BMPER: variants seen among roughly 807,000 people sequenced by gnomAD.
BMPER encodes the protein BMP binding endothelial regulator, also known as BMP-binding endothelial regulator protein.
BMPER carries 45 observed loss-of-function variants against 87.3 expected under a neutral mutation model. The observed-to-expected ratio is 0.52, with a 90% CI of 0.41 to 0.66. The LOEUF is 0.66. Ranked by LOEUF, BMPER falls within the 30% of genes least tolerant of loss-of-function variation. The pLI, the probability that BMPER is intolerant of heterozygous loss-of-function variation, is 0.00. For synonymous variants in BMPER, 326 were observed against 316.2 expected (o/e 1.03, Z -0.33); for missense variants, 784 against 867.5 (o/e 0.90, Z 1.21).
chr7:34,097,378 C>A (rs1789556481), intron 13 of BMPER, among the ~76,000 whole-genome samples: 1 of 152,204 alleles, frequency 6.6e-6, no homozygotes, highest in South Asian at 2.1e-4. Context: ...ATTACAGTTT[C>A]ATGCACCAGC....
intron 6 of BMPER, among the ~76,000 whole-genome samples, chr7:34,013,716 G>A (rs1362866068): frequency 6.6e-6 from 1 of 151,824 alleles, no homozygotes; most frequent in African/African-American, 2.4e-5. Flanking sequence ...CTAATGCCTG[G>A]TTGTACCTAT....
At chr7:34,046,230 G>T (rs1006643040) in intron 6 of BMPER, 76 bp from the exon 7 acceptor site, 1 of 1,401,360 alleles carries the variant, frequency 7.1e-7, no homozygotes. Flanking sequence ...CCTTAGGTTT[G>T]TTCTAGATAT....
At chr7:33,992,906 G>T (rs1426747748) in intron 6 of BMPER, among the ~76,000 whole-genome samples, 8 of 138,456 alleles carry the variant, frequency 5.8e-5, no homozygotes, top group African/African-American at 1.6e-4. Flanking sequence ...TGAAATTCTG[G>T]GTTGAAAATT....
intron 13 of BMPER, among the ~76,000 whole-genome samples, chr7:34,113,308 A>G (rs1583452063): frequency 1.3e-5 from 2 of 151,996 alleles, no homozygotes; most frequent in South Asian, 4.1e-4. Flanking sequence ...TGATTATAGT[A>G]GTTATTATCA....
At chr7:33,956,590 G>A (rs1562652113) in intron 3 of BMPER, among the ~76,000 whole-genome samples, 1 of 151,680 alleles carries the variant, frequency 6.6e-6, no homozygotes. Flanking sequence ...CCTCCACTTT[G>A]TCCACCTCTT....
intron 3 of BMPER, chr7:33,937,655 T>C: frequency 4.3e-6 from 2 of 469,650 alleles, no homozygotes; most frequent in Non-Finnish European, 7.9e-6. Flanking sequence ...GGCAGGTTGT[T>C]AAAATGTCGT....
intron 14 of BMPER, among the ~76,000 whole-genome samples, chr7:34,152,624 T>A (rs2127997237): frequency 6.6e-6 from 1 of 152,302 alleles, no homozygotes; most frequent in South Asian, 2.1e-4. Flanking sequence ...ACGATTACAT[T>A]GATTAAAATA....
chr7:34,008,449 TA>T (rs976345929), intron 6 of BMPER, among the ~76,000 whole-genome samples: 30 of 151,514 alleles, frequency 2.0e-4, no homozygotes, highest in African/African-American at 6.1e-4. Context: ...ACTTTGAGAT[TA>T]AAAAAAAATT....
intron 7 of BMPER, among the ~76,000 whole-genome samples, chr7:34,048,356 G>A (rs1017165298): frequency 2.6e-5 from 4 of 151,838 alleles, no homozygotes; most frequent in South Asian, 2.1e-4. Context: ...CTACACACAC[G>A]TACACACACA....
At chr7:33,941,204 T>TA (rs1041186500) in intron 3 of BMPER, among the ~76,000 whole-genome samples, 1 of 142,848 alleles carries the variant, frequency 7.0e-6, no homozygotes, top group Non-Finnish European at 1.5e-5. Flanking sequence ...ATGTTAGAAA[T>TA]AAAAATATAA....
intron 2 of BMPER, among the ~76,000 whole-genome samples, chr7:33,928,212 C>G (rs908586541): frequency 2.5e-4 from 38 of 152,098 alleles, no homozygotes; most frequent in Non-Finnish European, 4.1e-4. Flanking sequence ...CACCATGAAC[C>G]CTCTCGGTTC....
intron 13 of BMPER, among the ~76,000 whole-genome samples, chr7:34,140,887 A>G (rs904254467): frequency 1.3e-5 from 2 of 152,136 alleles, no homozygotes; most frequent in Non-Finnish European, 2.9e-5. Flanking sequence ...ATGTGCCATC[A>G]TTTTACCAGG....
At chr7:34,030,546 C>T (rs190967794) in intron 6 of BMPER, among the ~76,000 whole-genome samples, 17 of 152,120 alleles carry the variant, frequency 1.1e-4, no homozygotes, top group Middle Eastern at 3.4e-3. Context: ...ATGGAACCAC[C>T]GTTAACATCT....
At chr7:34,148,593 CAA>C (rs1177011322) in intron 14 of BMPER, among the ~76,000 whole-genome samples, 13 of 152,206 alleles carry the variant, frequency 8.5e-5, no homozygotes, top group African/African-American at 3.1e-4. Flanking sequence ...AAGGATCATA[CAA>C]GAGAGAGAGA....
intron 5 of BMPER, among the ~76,000 whole-genome samples, chr7:33,972,257 A>G (rs529181019): frequency 3.0e-4 from 46 of 152,046 alleles, no homozygotes; most frequent in Non-Finnish European, 5.6e-4. Context: ...CCTCATAACC[A>G]TGGGATCTGT....
intron 14 of BMPER, among the ~76,000 whole-genome samples, chr7:34,152,253 A>G (rs1193751820): frequency 1.3e-5 from 2 of 152,198 alleles, no homozygotes; most frequent in Non-Finnish European, 2.9e-5. Context: ...AGGGTCCCTG[A>G]TCTAAATTCC....
At position 33,905,560 on chromosome 7, in the gene BMPER, A is replaced by G; in HGVS notation, c.-54A>G. 1 of 1,601,524 alleles carries G rather than the reference A, an allele frequency of 6.2e-7. No individual in the cohort carries two copies. Among genetic ancestry groups the G allele is most frequent in the Non-Finnish European group, 8.5e-7 (1 of 1,178,370 alleles). On this transcript the variant is annotated 5_prime_UTR_variant, in exon 1 of 15. Transcript: ENST00000649409. ...TTTCGACTGTGAGCTGCGGCAGCTGAGCAGAGGCGGCGGCGCGGGACCTGC... is the reference window on the plus strand; with the variant it reads ...TTTCGACTGTGAGCTGCGGCAGCTGGGCAGAGGCGGCGGCGCGGGACCTGC...
chr7:34,090,110 AGT>A (rs1789339189), intron 13 of BMPER, among the ~76,000 whole-genome samples: 4 of 152,236 alleles, frequency 2.6e-5, no homozygotes, highest in African/African-American at 9.6e-5. Flanking sequence ...ACTGCAGAAA[AGT>A]TTTAACCAAA....
At chr7:33,949,924 A>G (rs1346348755) in intron 3 of BMPER, among the ~76,000 whole-genome samples, 1 of 152,210 alleles carries the variant, frequency 6.6e-6, no homozygotes, top group East Asian at 1.9e-4. Flanking sequence ...AAATGACCCT[A>G]CTTGTCTAAA....
Sources: allele counts gnomAD v4.1 joint callset (sites outside exome capture counted in the v4.1 genomes callset), GRCh38; gene constraint gnomAD v4.1.1; transcripts MANE v1.5; gene names NCBI Gene and HGNC (gene_info 2026-07-23, HGNC 2026-07-21).